The following WDR41 variants were observed in gnomAD, a reference collection of about 807,000 sequenced individuals.
WDR41 encodes the protein WD repeat domain 41.
A neutral mutation model predicts 69.3 loss-of-function variants in WDR41; 63 were observed. The ratio of observed to expected loss-of-function variants is 0.91; its 90% CI spans 0.74 to 1.12. WDR41 has a LOEUF of 1.12. Among genes scored for constraint, WDR41 ranks in the 50% most tolerant of loss-of-function variants. WDR41 has a pLI of 0.00. For synonymous variants in WDR41, 185 were observed against 192.1 expected, an observed-to-expected ratio of 0.96 and a Z score of 0.31; for missense variants, 543 against 534.5, an observed-to-expected ratio of 1.02 and a Z score of -0.16.
chr5:77,577,530 G>A (rs1465058165), intron 1 of WDR41, among the ~76,000 whole-genome samples: 2 of 151,794 alleles, frequency 1.3e-5, no homozygotes, highest in Non-Finnish European at 2.9e-5. Context: ...AGGATGGAGG[G>A]AATAGAAATT....
At chr5:77,500,423 T>C (rs1440180427) in intron 1 of WDR41, among the ~76,000 whole-genome samples, 2 of 151,848 alleles carry the variant, frequency 1.3e-5, no homozygotes, top group Admixed American at 6.6e-5. Flanking sequence ...GTGAAATTAA[T>C]AAGCCACTAG....
At chr5:77,584,971 C>A (rs930968065) in intron 1 of WDR41, among the ~76,000 whole-genome samples, 4 of 151,974 alleles carry the variant, frequency 2.6e-5, no homozygotes, top group Non-Finnish European at 4.4e-5. Context: ...AGATAAATAG[C>A]TGGGACCTAA....
intron 1 of WDR41, among the ~76,000 whole-genome samples, chr5:77,617,150 C>A (rs1024326947): frequency 6.6e-6 from 1 of 152,090 alleles, no homozygotes; most frequent in Non-Finnish European, 1.5e-5. Flanking sequence ...TGATGATATC[C>A]AATATAATAG....
At chr5:77,512,154 GC>G (rs1802212448) in intron 1 of WDR41, among the ~76,000 whole-genome samples, 1 of 152,118 alleles carries the variant, frequency 6.6e-6, no homozygotes, top group South Asian at 2.1e-4. Flanking sequence ...TCTCAACCTT[GC>G]TGCACAGTGG....
intron 1 of WDR41, among the ~76,000 whole-genome samples, chr5:77,556,096 T>C (rs951116871): frequency 2.8e-4 from 12 of 42,820 alleles, no homozygotes; most frequent in African/African-American, 1.1e-3. Flanking sequence ...AAAGATGGAC[T>C]TTTTTTTTTT....
intron 1 of WDR41, among the ~76,000 whole-genome samples, chr5:77,590,696 G>C (rs966160961): frequency 1.3e-5 from 2 of 152,182 alleles, no homozygotes; most frequent in Non-Finnish European, 2.9e-5. Flanking sequence ...TGTGTGATAA[G>C]GGAGGAGTCC....
chr5:77,502,063 A>G (rs1374013019), intron 1 of WDR41, among the ~76,000 whole-genome samples: 4 of 152,160 alleles, frequency 2.6e-5, no homozygotes, highest in Non-Finnish European at 5.9e-5. Context: ...TGGTAATAAC[A>G]AACTCCTCTG....
intron 1 of WDR41, among the ~76,000 whole-genome samples, chr5:77,609,091 G>C (rs147356268): frequency 0.036 from 5,428 of 152,222 alleles, 309 homozygotes; most frequent in African/African-American, 0.12. Context: ...AGGCAGCAGC[G>C]AGGCTGGGGG....
chr5:77,504,035 A>G (rs929765150), intron 1 of WDR41, among the ~76,000 whole-genome samples: 14 of 151,790 alleles, frequency 9.2e-5, no homozygotes, highest in African/African-American at 3.2e-4. Context: ...TCAGAGCAGA[A>G]CTGAAGGAGA....
At chr5:77,619,974 G>A (rs1744746581) in intron 1 of WDR41, among the ~76,000 whole-genome samples, 2 of 151,720 alleles carry the variant, frequency 1.3e-5, no homozygotes, top group Admixed American at 6.6e-5. Flanking sequence ...AATTACTACT[G>A]GTACTTTTTT....
chr5:77,538,572 T>C (rs900363963), intron 1 of WDR41, among the ~76,000 whole-genome samples: 1 of 152,238 alleles, frequency 6.6e-6, no homozygotes, highest in Admixed American at 6.5e-5. Flanking sequence ...TTTCTGTTCC[T>C]GCATTAATTC....
In WDR41 at chr5:77,600,929, ATGTGTG is replaced by A. The variant is rs71608111; in HGVS notation, c.42+19544_42+19549del. ...AATTATATTATCTAACTCTGTGTGT[ATGTGTG>A]TGTGTGTGTGTGTGTGTGTGTGTGT... On this transcript the variant is annotated intron_variant, in intron 1 of 5. Coordinates refer to the WDR41 transcript ENST00000509971. Among the ~76,000 whole-genome samples, 581 of 144,186 alleles carry A rather than the reference ATGTGTG, an allele frequency of 4.0e-3. 5 individuals are homozygous for A. Among genetic ancestry groups the A allele is most frequent in the African/African-American group, 0.014 (534 of 39,280 alleles). The allele number at this position is 144,186 out of a possible 152,430, so 94.6% of individuals were successfully genotyped here. A position where few individuals can be genotyped will look rare whatever the true frequency, so the allele number is the denominator to read the frequency against.
intron 8 of WDR41, among the ~76,000 whole-genome samples, chr5:77,444,610 G>C (rs911732633): frequency 2.2e-4 from 34 of 152,186 alleles, no homozygotes; most frequent in Non-Finnish European, 4.9e-4. Flanking sequence ...TTTGCCCTGT[G>C]ATGTACAATC....
At chr5:77,600,243 G>A (rs745478348) in intron 1 of WDR41, among the ~76,000 whole-genome samples, 3 of 152,042 alleles carry the variant, frequency 2.0e-5, no homozygotes, top group Non-Finnish European at 2.9e-5. Flanking sequence ...AATAGCCTTG[G>A]TACATTCATA....
upstream of WDR41, among the ~76,000 whole-genome samples, chr5:77,493,345 A>G (rs1468740327): frequency 6.6e-6 from 1 of 152,216 alleles, no homozygotes; most frequent in East Asian, 1.9e-4. Context: ...AAATGTCCCA[A>G]CTAATGCATT....
rs145978308 is a variant in WDR41 at position 77,583,536 on chromosome 5, C to T, written c.42+36943G>A. 2.0e-5 allele frequency among the ~76,000 whole-genome samples: 3 copies of T among 151,576 alleles called. No homozygotes were observed. In the East Asian group the frequency reaches 5.8e-4, roughly 29 times the overall value. ...CAGAAAAAAGAAAAAAAAAAGCTACCCACGTATACGTTTCATGTCTGTATC... is the reference window on the plus strand; with the variant it reads ...CAGAAAAAAGAAAAAAAAAAGCTACTCACGTATACGTTTCATGTCTGTATC... On this transcript the variant is annotated intron_variant, in intron 1 of 5. Coordinates refer to the WDR41 transcript ENST00000509971.
chr5:77,492,058 A>T (rs1293331692), intron 1 of WDR41, 112 bp downstream of exon 1: 1 of 1,345,392 alleles, frequency 7.4e-7, no homozygotes, highest in Non-Finnish European at 1.0e-6. Context: ...CTCAGCAGCC[A>T]GCCCCGCCTC....
At chr5:77,499,107 G>A (rs1004166179) in intron 1 of WDR41, among the ~76,000 whole-genome samples, 5 of 152,128 alleles carry the variant, frequency 3.3e-5, no homozygotes, top group African/African-American at 1.2e-4. Flanking sequence ...ATAAATACAC[G>A]TCACTCTTTC....
At chr5:77,612,535 A>G (rs1312403560) in intron 1 of WDR41, among the ~76,000 whole-genome samples, 3 of 152,232 alleles carry the variant, frequency 2.0e-5, no homozygotes, top group Non-Finnish European at 4.4e-5. Flanking sequence ...AGAACCAAAG[A>G]CAAAAACCAC....
Sources: allele counts gnomAD v4.1 joint callset (sites outside exome capture counted in the v4.1 genomes callset), GRCh38; gene constraint gnomAD v4.1.1; transcripts MANE v1.5; gene names NCBI Gene and HGNC (gene_info 2026-07-23, HGNC 2026-07-21).